The following SMAP2 variants were observed in gnomAD, a reference collection of about 807,000 sequenced individuals.
The protein encoded by SMAP2 is stromal membrane-associated protein 2.
A neutral mutation model predicts 56.4 loss-of-function variants in SMAP2; 25 were observed. The ratio of observed to expected loss-of-function variants is 0.44; its 90% confidence interval spans 0.32 to 0.62. The LOEUF (loss-of-function observed/expected upper bound fraction) is 0.62, where lower values mean the gene tolerates loss of function less well. Among genes scored for constraint, SMAP2 ranks in the 20% least tolerant of loss-of-function variants. SMAP2 has a pLI of 0.04. For missense variants in SMAP2, 388 were observed against 545.6 expected (o/e 0.71, Z 2.88); for synonymous variants, 157 against 181.7 (o/e 0.86, Z 1.09).
At chr1:40,411,708 G>T (rs540836814) in intron 4 of SMAP2, among the ~76,000 whole-genome samples, 5 of 152,088 alleles carry the variant, frequency 3.3e-5, no homozygotes, top group African/African-American at 9.6e-5. Context: ...AACTGGCTTT[G>T]TTAAAAACTA....
At chr1:40,382,183 A>G (rs1029723629) in intron 1 of SMAP2, among the ~76,000 whole-genome samples, 2 of 152,134 alleles carry the variant, frequency 1.3e-5, no homozygotes, top group Non-Finnish European at 2.9e-5. Context: ...TCTTGGGCAC[A>G]GTTGTCTATA....
chr1:40,399,111 G>A (rs1329810844), intron 1 of SMAP2, among the ~76,000 whole-genome samples: 1 of 152,002 alleles, frequency 6.6e-6, no homozygotes, highest in African/African-American at 2.4e-5. Flanking sequence ...GCAACATAGT[G>A]AGACCCTGTC....
chr1:40,389,183 C>T (rs1208351436), intron 1 of SMAP2, among the ~76,000 whole-genome samples: 1 of 152,182 alleles, frequency 6.6e-6, no homozygotes, highest in East Asian at 1.9e-4. Context: ...TGCGGAAATA[C>T]CCTTGCGCCA....
At chr1:40,348,830 G>GTGCAATCTCTGCTCAC (rs1006590347) in intron 1 of SMAP2, among the ~76,000 whole-genome samples, 1 of 151,798 alleles carries the variant, frequency 6.6e-6, no homozygotes, top group Admixed American at 6.6e-5. Context: ...GAGTATAGAG[G>GTGCAATCTCTGCTCAC]TGCAATCTCT....
chr1:40,396,740 T>G, intron 1 of SMAP2: 1 of 616,192 alleles, frequency 1.6e-6, no homozygotes, highest in Non-Finnish European at 2.0e-6. Context: ...ATAAGGAACT[T>G]GATGAACTCT....
intron 1 of SMAP2, among the ~76,000 whole-genome samples, chr1:40,352,191 G>T (rs911298309): frequency 3.3e-5 from 5 of 152,106 alleles, no homozygotes; most frequent in Non-Finnish European, 5.9e-5. Context: ...AGGTGCCAAA[G>T]TCCATCTGTG....
At chr1:40,392,848 G>A (rs371867324) in intron 1 of SMAP2, among the ~76,000 whole-genome samples, 2 of 151,954 alleles carry the variant, frequency 1.3e-5, no homozygotes, top group Non-Finnish European at 2.9e-5. Context: ...GCCTGTAATC[G>A]CAGCACGTTG....
intron 1 of SMAP2, among the ~76,000 whole-genome samples, chr1:40,360,509 G>C (rs925386869): frequency 6.6e-6 from 1 of 151,228 alleles, no homozygotes; most frequent in Non-Finnish European, 1.5e-5. Context: ...TGCCATGTTG[G>C]CCAGGCTGGT....
chr1:40,345,386 A>C (rs1644381548), intron 1 of SMAP2, among the ~76,000 whole-genome samples: 1 of 148,030 alleles, frequency 6.8e-6, no homozygotes, highest in Non-Finnish European at 1.5e-5. Context: ...CCCTGTCTCT[A>C]AGGAAAAAAA....
At chr1:40,394,759 A>C (rs925786527) in intron 1 of SMAP2, among the ~76,000 whole-genome samples, 1 of 152,112 alleles carries the variant, frequency 6.6e-6, no homozygotes, top group Non-Finnish European at 1.5e-5. Flanking sequence ...TGTAATTGAC[A>C]ATGAAAATTG....
At chr1:40,347,240 G>GTGTTTTTTTTT (rs58284805) in intron 1 of SMAP2, among the ~76,000 whole-genome samples, 1 of 88,386 alleles carries the variant, frequency 1.1e-5, no homozygotes, top group African/African-American at 4.0e-5. Flanking sequence ...GTGTGTGTGT[G>GTGTTTTTTTTT]TTTTGTTTTT....
intron 1 of SMAP2, among the ~76,000 whole-genome samples, chr1:40,347,214 GTGTGTGTGTGTGTT>G (rs1172504977): frequency 6.3e-5 from 9 of 142,940 alleles, no homozygotes; most frequent in East Asian, 4.1e-4. Flanking sequence ...GCTAATTTGT[GTGTGTGTGTGTGTT>G]TGTGTGTGTG....
In SMAP2 at chr1:40,378,981, C is replaced by CT. The variant is rs11353360; in HGVS notation, c.103+4773dup. ...TTGGCAATTTCTTTTCTTTTCTTTT[C>CT]TTTTTTTTTTTTTTTGAGACAGAGT... On this transcript the variant is annotated intron_variant, in intron 1 of 9. Coordinates refer to ENST00000372718, the MANE Select transcript of SMAP2 (RefSeq NM_022733.3). Among the ~76,000 whole-genome samples, 643 of 134,934 alleles carry CT rather than the reference C, an allele frequency of 4.8e-3. 2 individuals carry two copies. Among genetic ancestry groups the CT allele is most frequent in the Non-Finnish European group, 6.2e-3 (387 of 62,454 alleles). The allele number at this position is 134,934 out of a possible 152,430, so 88.5% of individuals were successfully genotyped here. A position where few individuals can be genotyped will look rare whatever the true frequency, so the allele number is the denominator to read the frequency against.
In SMAP2 at chr1:40,389,111, A is replaced by G. The variant is rs552011205; in HGVS notation, c.103+14888A>G. Among the ~76,000 whole-genome samples the G allele has an allele frequency of 2.6e-5, 4 of 152,348 alleles. No individual in the cohort carries two copies. The South Asian group carries it at 6.2e-4, about 24-fold the overall frequency. On this transcript the variant is annotated intron_variant, in intron 1 of 9. Coordinates refer to ENST00000372718, the MANE Select transcript of SMAP2 (RefSeq NM_022733.3). ...ACTCACTGCGAGGGTCCACGGCTTC[A>G]TTCTTGAAGTCAGTGAAACCAAGAA...
chr1:40,374,528 C>A lies in SMAP2; in HGVS notation c.103+305C>A. On this transcript the variant is annotated intron_variant, in intron 1 of 9. Coordinates refer to ENST00000372718, the MANE Select transcript of SMAP2 (RefSeq NM_022733.3). This position sits in a 1 kb window ranked among gnomAD's most constrained non-coding sequence, Gnocchi z 5.9. Reference sequence around the variant, plus strand: ...TCTGAATGAGTTCTGGGCCGGCTGTCCAGAGAGAGCTCCCAGCATGTCACT... The same window carrying A: ...TCTGAATGAGTTCTGGGCCGGCTGTACAGAGAGAGCTCCCAGCATGTCACT... 1 of 904,360 alleles carries A rather than the reference C, an allele frequency of 1.1e-6. No individual in the cohort carries two copies. Among genetic ancestry groups the A allele is most frequent in the Non-Finnish European group, 1.7e-6 (1 of 573,964 alleles). The allele number at this position is 904,360 out of a possible 1,614,324, so 56.0% of individuals were successfully genotyped here. A position where few individuals can be genotyped will look rare whatever the true frequency, so the allele number is the denominator to read the frequency against.
In SMAP2 at chr1:40,408,650, C is replaced by T. The variant is rs758453725; in HGVS notation, c.238-3C>T. 3.1e-6 allele frequency: 5 copies of T among 1,612,034 alleles called. No homozygotes were observed. In the African/African-American group the frequency reaches 5.3e-5, roughly 17 times the overall value. Reference sequence around the variant, plus strand: ...CATGTTTCTACATTCTCTTTGGTCACAGTGCATGCAAGAGATGGGAAATGG... The same window carrying T: ...CATGTTTCTACATTCTCTTTGGTCATAGTGCATGCAAGAGATGGGAAATGG... On this transcript the variant is annotated splice_polypyrimidine_tract_variant and splice_region_variant and intron_variant, in intron 2 of 9. Coordinates refer to ENST00000372718, the MANE Select transcript of SMAP2 (RefSeq NM_022733.3). The surrounding 1 kb of genome is among the most constrained non-coding windows in gnomAD (Gnocchi z 4.3).
chr1:40,361,269 A>G (rs908881222), intron 1 of SMAP2, among the ~76,000 whole-genome samples: 1 of 152,082 alleles, frequency 6.6e-6, no homozygotes, highest in Non-Finnish European at 1.5e-5. Context: ...CCTTGAAGGG[A>G]AGAACCCAGT....
rs1432895218 is a variant in SMAP2 at position 40,416,958 on chromosome 1, C to T, written c.1026C>T (p.Gly342=). 1 of 1,614,192 alleles carries T rather than the reference C, an allele frequency of 6.2e-7. No individual in the cohort carries two copies. The highest frequency in any genetic ancestry group is 1.1e-5 in the South Asian group (1 of 91,090). The change falls in exon 9 of 10, where the codon GGC becomes GGT. Residue 342 remains glycine (G), a synonymous_variant. Transcript: ENST00000372718. Reference sequence around the variant, plus strand: ...CCATGCCTGCAGGCTATATGGGTGGCATGCAGGCATCAATGATGGGTGTGC... The same window carrying T: ...CCATGCCTGCAGGCTATATGGGTGGTATGCAGGCATCAATGATGGGTGTGC... The part of the protein sequence containing the change: ...PMAMPAGYMG[G]MQASMMGVPN...
At chr1:40,359,350 A>G (rs1424483265) in intron 1 of SMAP2, among the ~76,000 whole-genome samples, 1 of 152,120 alleles carries the variant, frequency 6.6e-6, no homozygotes, top group African/African-American at 2.4e-5. Flanking sequence ...TGACCCACCC[A>G]CCTTGGCCTC....
Sources: allele counts gnomAD v4.1 joint callset (sites outside exome capture counted in the v4.1 genomes callset), GRCh38; gene constraint gnomAD v4.1.1; non-coding constraint Gnocchi (gnomAD v3.1); transcripts MANE v1.5; gene names NCBI Gene and HGNC (gene_info 2026-07-23, HGNC 2026-07-21).